The following UBE2F variants were observed in gnomAD, a reference collection of about 807,000 sequenced individuals.
UBE2F encodes NEDD8-conjugating enzyme UBE2F.
UBE2F carries 5 observed loss-of-function variants against 29.6 expected under a neutral mutation model. The ratio of observed to expected loss-of-function variants is 0.17; its 90% CI spans 0.09 to 0.36. UBE2F has a LOEUF of 0.36. Among genes scored for constraint, UBE2F ranks in the 10% least tolerant of loss-of-function variants. The pLI, the probability that UBE2F is intolerant of heterozygous loss-of-function variation, is 1.00. For synonymous variants in UBE2F, 66 were observed against 81.8 expected, an observed-to-expected ratio of 0.81 and a Z score of 1.04; for missense variants, 141 against 228.5, an observed-to-expected ratio of 0.62 and a Z score of 2.47.
Position 238,042,527 on chromosome 2 carries a change from G to T in UBE2F, c.*1189G>T, listed in dbSNP as rs2064853194. Reference sequence around the variant, plus strand: ...GAAAAGCCCTGAAGAGAGGCAAGTGGATTTACTCCAGCATGTAGACATTTG... The same window carrying T: ...GAAAAGCCCTGAAGAGAGGCAAGTGTATTTACTCCAGCATGTAGACATTTG... On this transcript the variant is annotated 3_prime_UTR_variant, in exon 10 of 10. Transcript: ENST00000272930. 1 of 152,218 alleles carries T rather than the reference G, an allele frequency of 6.6e-6. No homozygotes were observed. Among genetic ancestry groups the T allele is most frequent in the Non-Finnish European group, 1.5e-5 (1 of 68,052 alleles). The allele number at this position is 152,218 out of a possible 1,614,324, so 9.4% of individuals were successfully genotyped here.
chr2:238,011,191 C>T (rs2064019191), intron 4 of UBE2F, among the ~76,000 whole-genome samples: 1 of 152,256 alleles, frequency 6.6e-6, no homozygotes, highest in African/African-American at 2.4e-5. Flanking sequence ...CATGCAGGGG[C>T]CTGCAGGGCC....
At chr2:238,007,690 A>G (rs558709034) in intron 4 of UBE2F, among the ~76,000 whole-genome samples, 3 of 152,140 alleles carry the variant, frequency 2.0e-5, no homozygotes, top group Non-Finnish European at 4.4e-5. Context: ...ATTATTTTTC[A>G]AATGTTGAAC....
In UBE2F at chr2:237,982,650, T is replaced by G. The variant is rs1314940917; in HGVS notation, c.119-5313T>G. 6.6e-6 allele frequency among the ~76,000 whole-genome samples: 1 copy of G among 152,244 alleles called. No homozygotes were observed. The highest frequency in any genetic ancestry group is 1.5e-5 in the Non-Finnish European group (1 of 68,042). On this transcript the variant is annotated intron_variant, in intron 2 of 9. Coordinates refer to ENST00000272930, the MANE Select transcript of UBE2F (RefSeq NM_080678.3). The surrounding 1 kb of genome is among the most constrained non-coding windows in gnomAD (Gnocchi z 4.1). ...AGAAGGGCCCTCAAGAACAGTTTCTTGTAAATTCTAATCAACAAAATATAA... is the reference window on the plus strand; with the variant it reads ...AGAAGGGCCCTCAAGAACAGTTTCTGGTAAATTCTAATCAACAAAATATAA...
chr2:237,991,609 C>CTTTTTTTTTTTTTTTTTTTTTTTT (rs774476848), intron 3 of UBE2F, among the ~76,000 whole-genome samples: 3 of 53,052 alleles, frequency 5.7e-5, no homozygotes, highest in African/African-American at 1.4e-4. Flanking sequence ...TTCTTTCTTT[C>CTTTTTTTTTTTTTTTTTTTTTTTT]TTTTTTTTTT....
chr2:238,020,064 T>C (rs2064257325), intron 5 of UBE2F, among the ~76,000 whole-genome samples: 1 of 152,176 alleles, frequency 6.6e-6, no homozygotes, highest in South Asian at 2.1e-4. Flanking sequence ...GCAGGGCGTC[T>C]CCAGGGGATC....
chr2:237,978,818 G>A (rs1348834947), intron 2 of UBE2F, among the ~76,000 whole-genome samples: 5 of 152,208 alleles, frequency 3.3e-5, no homozygotes, highest in Non-Finnish European at 5.9e-5. Context: ...GCCATTGCCA[G>A]TGTTGTTGTT....
intron 1 of UBE2F, chr2:237,968,690 C>T (rs1238972251): frequency 1.1e-5 from 2 of 178,618 alleles, no homozygotes; most frequent in African/African-American, 2.4e-5. Flanking sequence ...TGCTCTTCTC[C>T]GGGCTGTCTG....
At chr2:237,969,098 A>G (rs1446924) in intron 1 of UBE2F, among the ~76,000 whole-genome samples, 131,570 of 152,242 alleles carry the variant, frequency 0.86, 57,038 homozygotes, top group East Asian at 0.97. Flanking sequence ...AGAATGTTAG[A>G]GAAGTACATT....
At chr2:237,978,724 C>T (rs2063329689) in intron 2 of UBE2F, among the ~76,000 whole-genome samples, 2 of 152,268 alleles carry the variant, frequency 1.3e-5, no homozygotes, top group East Asian at 1.9e-4. Flanking sequence ...CTCCTGACTC[C>T]AGAAGCTGGG....
intron 3 of UBE2F, among the ~76,000 whole-genome samples, chr2:237,994,191 A>G (rs928144093): frequency 9.3e-5 from 14 of 149,864 alleles, no homozygotes; most frequent in Admixed American, 8.7e-4. Context: ...GCTCACTGCA[A>G]CCTCCATCTC....
intron 8 of UBE2F, chr2:238,035,208 T>A (rs1277580598): frequency 2.0e-5 from 3 of 152,534 alleles, no homozygotes; most frequent in Admixed American, 2.0e-4. Flanking sequence ...GCCCCCTGAT[T>A]CTCAACAAGA....
At chr2:237,986,244 G>A (rs933282097) in intron 2 of UBE2F, 6 of 319,528 alleles carry the variant, frequency 1.9e-5, no homozygotes, top group Middle Eastern at 1.0e-3. Flanking sequence ...CGACTTCCCA[G>A]GCTCAGGTGA....
chr2:238,041,299 G>C lies in UBE2F; in HGVS notation c.519G>C (p.Arg173=). ...CTGTTACTCCACAGGAGGACTTCCG[G>C]AATAAAGTGGATGACTACATCAAAC... ...EHHLRDKEDF[R]NKVDDYIKRY... The change falls in exon 10 of 10, where the codon CGG becomes CGC. Residue 173 remains arginine (R), a synonymous_variant. Coordinates refer to ENST00000272930, the MANE Select transcript of UBE2F (RefSeq NM_080678.3). The C allele has an allele frequency of 6.2e-7, 1 of 1,613,914 alleles. No homozygotes were observed.
At chr2:238,020,009 T>G (rs1230495927) in intron 5 of UBE2F, among the ~76,000 whole-genome samples, 1 of 152,170 alleles carries the variant, frequency 6.6e-6, no homozygotes, top group African/African-American at 2.4e-5. Context: ...TTCAGGCAAG[T>G]GTGGGGCAAC....
chr2:238,011,663 C>T (rs2064032969), intron 4 of UBE2F, among the ~76,000 whole-genome samples: 1 of 152,158 alleles, frequency 6.6e-6, no homozygotes, highest in Admixed American at 6.5e-5. Context: ...TTAGCATTTT[C>T]CCTGATTAAA....
At chr2:238,034,264 TAA>T (rs1338062655) in intron 8 of UBE2F, among the ~76,000 whole-genome samples, 8 of 141,000 alleles carry the variant, frequency 5.7e-5, no homozygotes, top group African/African-American at 1.0e-4. Flanking sequence ...TCACCTCTAC[TAA>T]AAAAAAAAAA....
chr2:237,997,709 C>T (rs1348411852), intron 4 of UBE2F, among the ~76,000 whole-genome samples: 1 of 152,186 alleles, frequency 6.6e-6, no homozygotes, highest in Non-Finnish European at 1.5e-5. Flanking sequence ...CAGCTCACAC[C>T]TCTTTATCTG....
intron 4 of UBE2F, among the ~76,000 whole-genome samples, chr2:238,007,341 C>T (rs949707290): frequency 6.6e-6 from 1 of 151,786 alleles, no homozygotes; most frequent in African/African-American, 2.4e-5. Flanking sequence ...AGGCTGGTCT[C>T]GAACTCCTGA....
chr2:238,033,568 G>A (rs2064635729), intron 8 of UBE2F, among the ~76,000 whole-genome samples: 1 of 152,158 alleles, frequency 6.6e-6, no homozygotes, highest in African/African-American at 2.4e-5. Flanking sequence ...CTAGGGGCGG[G>A]TCTGCTCTTA....
Sources: allele counts gnomAD v4.1 joint callset (sites outside exome capture counted in the v4.1 genomes callset), GRCh38; gene constraint gnomAD v4.1.1; non-coding constraint Gnocchi (gnomAD v3.1); transcripts MANE v1.5; gene names NCBI Gene and HGNC (gene_info 2026-07-23, HGNC 2026-07-21).